The following KDM4C variants were observed in gnomAD, a reference collection of about 807,000 sequenced individuals.
KDM4C encodes the protein lysine demethylase 4C, also known as lysine-specific demethylase 4C.
In KDM4C, 81 loss-of-function variants were observed where a neutral mutation model predicts 129.3. The ratio of observed to expected loss-of-function variants is 0.63; its 90% CI spans 0.52 to 0.75. The LOEUF (loss-of-function observed/expected upper bound fraction) is 0.75, where lower values mean the gene tolerates loss of function less well. KDM4C is among the 30% of genes least tolerant of loss of function. The pLI is 0.00. For synonymous variants in KDM4C, 573 were observed against 456.1 expected, an observed-to-expected ratio of 1.26 and a Z score of -3.26; for missense variants, 1,457 against 1,304.0, an observed-to-expected ratio of 1.12 and a Z score of -1.81.
At chr9:7,111,482 A>T (rs141736668) in intron 18 of KDM4C, among the ~76,000 whole-genome samples, 146 of 152,090 alleles carry the variant, frequency 9.6e-4, no homozygotes, top group African/African-American at 3.4e-3. Flanking sequence ...TTTTTAACAG[A>T]TGAGGAAATG....
intron 17 of KDM4C, among the ~76,000 whole-genome samples, chr9:7,049,698 G>A (rs991893977): frequency 2.0e-5 from 3 of 151,978 alleles, no homozygotes; most frequent in Non-Finnish European, 4.4e-5. Flanking sequence ...CACTTAATAT[G>A]CCAAACTCTC....
At chr9:7,042,572 T>G (rs940410002) in intron 15 of KDM4C, among the ~76,000 whole-genome samples, 1 of 152,094 alleles carries the variant, frequency 6.6e-6, no homozygotes, top group Non-Finnish European at 1.5e-5. Flanking sequence ...AAAGGAGTTC[T>G]TGATTATTTA....
intron 19 of KDM4C, among the ~76,000 whole-genome samples, chr9:7,130,820 G>A (rs1338798586): frequency 1.3e-5 from 2 of 152,080 alleles, no homozygotes; most frequent in African/African-American, 4.8e-5. Flanking sequence ...GGGCAGTGGT[G>A]TGATCACAGC....
At chr9:6,771,607 G>A (rs1000151263) in intron 1 of KDM4C, among the ~76,000 whole-genome samples, 6 of 152,166 alleles carry the variant, frequency 3.9e-5, no homozygotes, top group African/African-American at 4.8e-5. Flanking sequence ...CACTGCACCC[G>A]GCCAGTATTT....
At chr9:7,111,607 C>T (rs1838326622) in intron 18 of KDM4C, among the ~76,000 whole-genome samples, 1 of 152,068 alleles carries the variant, frequency 6.6e-6, no homozygotes, top group Non-Finnish European at 1.5e-5. Context: ...GTTCTAAGCA[C>T]AGGGAATAGT....
intron 1 of KDM4C, chr9:6,734,945 A>G: frequency 3.5e-6 from 2 of 573,080 alleles, no homozygotes; most frequent in Non-Finnish European, 7.0e-6. Flanking sequence ...TTTCAGAGGG[A>G]TCTATATGTC....
intron 17 of KDM4C, among the ~76,000 whole-genome samples, chr9:7,072,513 C>G (rs927472963): frequency 1.3e-5 from 2 of 152,162 alleles, no homozygotes; most frequent in African/African-American, 2.4e-5. Context: ...GTGAAAGATG[C>G]CTGACTCAAA....
chr9:6,770,251 A>G (rs2130599840), intron 1 of KDM4C, among the ~76,000 whole-genome samples: 1 of 152,166 alleles, frequency 6.6e-6, no homozygotes, highest in Non-Finnish European at 1.5e-5. Flanking sequence ...TTGTAAATCA[A>G]GGAAAAATGT....
intron 5 of KDM4C, among the ~76,000 whole-genome samples, chr9:6,872,846 A>G (rs149410014): frequency 6.6e-6 from 1 of 152,310 alleles, no homozygotes; most frequent in Non-Finnish European, 1.5e-5. Context: ...GATTTTTAGA[A>G]TGGTAAATGA....
intron 8 of KDM4C, among the ~76,000 whole-genome samples, chr9:6,921,104 G>T (rs1203711785): frequency 1.3e-5 from 2 of 151,824 alleles, no homozygotes; most frequent in Non-Finnish European, 2.9e-5. Flanking sequence ...GGTCAGTTTT[G>T]TTGGTTCCTT....
At chr9:6,994,684 C>T (rs10815505) in intron 12 of KDM4C, among the ~76,000 whole-genome samples, 80,418 of 152,006 alleles carry the variant, frequency 0.53, 21,989 homozygotes, top group South Asian at 0.72. Flanking sequence ...AGTTAAGTAC[C>T]TCAACGTGTT....
At chr9:6,970,636 T>C (rs956409344) in intron 8 of KDM4C, among the ~76,000 whole-genome samples, 1 of 152,218 alleles carries the variant, frequency 6.6e-6, no homozygotes, top group East Asian at 1.9e-4. Context: ...CCAGAGATTA[T>C]ATGGATCAGG....
chr9:6,919,537 G>GTCTATCTA (rs774364572), intron 8 of KDM4C, among the ~76,000 whole-genome samples: 77 of 94,916 alleles, frequency 8.1e-4, no homozygotes, highest in East Asian at 1.9e-3. Context: ...TCATCTGTCT[G>GTCTATCTA]TCTGTCTGTC....
chr9:6,926,616 C>T (rs919349688), intron 8 of KDM4C, among the ~76,000 whole-genome samples: 12 of 152,120 alleles, frequency 7.9e-5, no homozygotes, highest in African/African-American at 1.9e-4. Flanking sequence ...CACTCTAGCA[C>T]GAGTAAGGAA....
rs560959905 is a variant in KDM4C at position 6,759,003 on chromosome 9, C to A, written c.-18+800C>A. Among the ~76,000 whole-genome samples, 31 of 150,306 alleles carry A rather than the reference C, an allele frequency of 2.1e-4. No homozygotes were observed. In the East Asian group the frequency reaches 5.7e-3, roughly 28 times the overall value. The stretch of plus-strand genomic sequence containing the variant: ...GACTTGATGCTGGGCTCCCCCTTTG[C>A]TGCGCGGTGCAAGCCTGCGCTGGCT... On this transcript the variant is annotated intron_variant, in intron 1 of 21. Coordinates refer to ENST00000381309, the MANE Select transcript of KDM4C (RefSeq NM_015061.6).
intron 15 of KDM4C, among the ~76,000 whole-genome samples, chr9:7,027,575 C>T (rs1258737161): frequency 6.6e-6 from 1 of 152,176 alleles, no homozygotes; most frequent in Admixed American, 6.5e-5. Context: ...CGCTGGCCCA[C>T]TGTAACCACT....
At chr9:6,889,734 A>C (rs1446199104) in intron 7 of KDM4C, among the ~76,000 whole-genome samples, 1 of 152,204 alleles carries the variant, frequency 6.6e-6, no homozygotes, top group African/African-American at 2.4e-5. Flanking sequence ...AAGACACAAA[A>C]TCCTTCTCTG....
chr9:6,981,855 T>C, intron 9 of KDM4C: 1 of 280,040 alleles, frequency 3.6e-6, no homozygotes, highest in South Asian at 3.5e-5. Context: ...ATAAAAGTAA[T>C]ATTTGTGCAT....
At position 6,937,612 on chromosome 9, in the gene KDM4C, A is replaced by C. The variant is rs542780632; in HGVS notation, c.922-43313A>C. Among the ~76,000 whole-genome samples the C allele has an allele frequency of 6.6e-5, 10 of 152,240 alleles. No homozygotes were observed. In the South Asian group the frequency reaches 1.5e-3, roughly 22 times the overall value. ...GCACATGCTGCTCTAGCAGGCTGGGAGTCTTCACCACAACACTAGCTACAT... is the reference window on the plus strand; with the variant it reads ...GCACATGCTGCTCTAGCAGGCTGGGCGTCTTCACCACAACACTAGCTACAT... On this transcript the variant is annotated intron_variant, in intron 8 of 21. Transcript: ENST00000381309.
Sources: gnomAD v4.1 joint callset for allele counts (sites outside exome capture counted in the v4.1 genomes callset) on GRCh38, gnomAD v4.1.1 for gene constraint, MANE v1.5 for transcripts, NCBI Gene and HGNC (gene_info 2026-07-23, HGNC 2026-07-21) for gene names.